WDR27: variants seen among roughly 807,000 people sequenced by gnomAD.
WDR27 encodes WD repeat domain 27, also known as WD repeat-containing protein 27.
WDR27 carries 100 observed loss-of-function variants against 114.4 expected under a neutral mutation model. The ratio of observed to expected loss-of-function variants is 0.87; its 90% confidence interval spans 0.74 to 1.03. The LOEUF is 1.03. Among genes scored for constraint, WDR27 ranks in the 50% least tolerant of loss-of-function variants. The probability of loss-of-function intolerance (pLI) is 0.00; values close to 1 mark genes in which losing one functional copy is unlikely to be tolerated. For missense variants in WDR27, 1,129 were observed against 1,092.9 expected (o/e 1.03, Z -0.47); for synonymous variants, 449 against 423.1 (o/e 1.06, Z -0.75).
chr6:169,652,952 A>G (rs1253545759), intron 13 of WDR27, among the ~76,000 whole-genome samples: 1 of 150,286 alleles, frequency 6.7e-6, no homozygotes, highest in Non-Finnish European at 1.5e-5. Flanking sequence ...AAGCGTATGT[A>G]AGAAGAAAAG....
chr6:169,490,323 T>G (rs943686380), intron 25 of WDR27, among the ~76,000 whole-genome samples: 6 of 152,184 alleles, frequency 3.9e-5, no homozygotes, highest in African/African-American at 1.4e-4. Context: ...ACAGACCCCA[T>G]GTGGAATTTG....
At chr6:169,481,166 G>T (rs1333382009) in intron 25 of WDR27, among the ~76,000 whole-genome samples, 1 of 151,692 alleles carries the variant, frequency 6.6e-6, no homozygotes, top group Admixed American at 6.6e-5. Flanking sequence ...ACCAATCAGT[G>T]CTCTGTGTCT....
chr6:169,608,193 AT>A (rs776653540), intron 22 of WDR27, among the ~76,000 whole-genome samples: 3 of 152,250 alleles, frequency 2.0e-5, no homozygotes, highest in African/African-American at 4.8e-5. Flanking sequence ...CTAAAAGCAG[AT>A]CTGGCATACA....
chr6:169,457,639 A>G lies in WDR27; in HGVS notation c.2646-5T>C, dbSNP rs1209140921. On this transcript the variant is annotated splice_region_variant and splice_polypyrimidine_tract_variant and intron_variant, in intron 25 of 25. Transcript: ENST00000448612. ...ATCCAAGGTAGCTGTGGCAAGCTGT[A>G]ATTGAAAATAAAATACCATGTAATT... 6.4e-7 allele frequency: 1 copy of G among 1,550,462 alleles called. No individual in the cohort carries two copies. Among genetic ancestry groups the G allele is most frequent in the East Asian group, 2.4e-5 (1 of 40,982 alleles).
At chr6:169,655,576 C>T (rs1182809989) in intron 13 of WDR27, among the ~76,000 whole-genome samples, 2 of 152,208 alleles carry the variant, frequency 1.3e-5, no homozygotes, top group African/African-American at 4.8e-5. Flanking sequence ...TATTACTCTA[C>T]ATATAAACAG....
chr6:169,587,112 A>C (rs1235926735), intron 23 of WDR27, among the ~76,000 whole-genome samples: 4 of 151,334 alleles, frequency 2.6e-5, no homozygotes, highest in Non-Finnish European at 2.9e-5. Flanking sequence ...TCTCTTCCTT[A>C]CCAATAAATG....
intron 25 of WDR27, among the ~76,000 whole-genome samples, chr6:169,545,840 T>G (rs528056907): frequency 6.6e-6 from 1 of 152,142 alleles, no homozygotes; most frequent in African/African-American, 2.4e-5. Flanking sequence ...ACATATAAAT[T>G]TTATGATACA....
At chr6:169,598,006 A>G (rs753587059) in intron 23 of WDR27, among the ~76,000 whole-genome samples, 1 of 151,736 alleles carries the variant, frequency 6.6e-6, no homozygotes, top group Non-Finnish European at 1.5e-5. Context: ...GAGAAAAAGT[A>G]CCTACAGAAT....
In WDR27 at chr6:169,659,531, G is replaced by A. The variant is rs3823464; in HGVS notation, c.1130-13C>T. ...AGGCTCTGGAAATCTTCAGTTGAGC[G>A]AAGACCAGGAAGAACATGATGGGGA... On this transcript the variant is annotated splice_polypyrimidine_tract_variant and intron_variant, in intron 10 of 25. Transcript: ENST00000448612. This position sits in a 1 kb window ranked among gnomAD's most constrained non-coding sequence, Gnocchi z 4.3. 326,506 of 1,600,604 alleles carry A rather than the reference G, an allele frequency of 0.2. 39,683 individuals carry two copies. Among genetic ancestry groups the A allele is most frequent in the East Asian group, 0.62 (27,580 of 44,260 alleles).
chr6:169,448,707 A>G, the WDR27 span, among the ~76,000 whole-genome samples: 1 of 152,010 alleles, frequency 6.6e-6, no homozygotes, highest in Non-Finnish European at 1.5e-5. Context: ...CGTGTGGCCT[A>G]CTCTGGACTA....
At chr6:169,513,900 AG>A (rs756342358) in intron 25 of WDR27, among the ~76,000 whole-genome samples, 15 of 152,286 alleles carry the variant, frequency 9.8e-5, no homozygotes, top group Non-Finnish European at 2.2e-4. Context: ...TAGACAGTAC[AG>A]GAGGAAAAAG....
intron 1 of WDR27, among the ~76,000 whole-genome samples, chr6:169,692,297 G>A (rs1784710444): frequency 6.6e-6 from 1 of 152,186 alleles, no homozygotes; most frequent in Non-Finnish European, 1.5e-5. Flanking sequence ...AGGAATTAGG[G>A]AGAGGTCATA....
intron 25 of WDR27, among the ~76,000 whole-genome samples, chr6:169,506,150 A>G (rs1289748972): frequency 1.3e-5 from 2 of 152,240 alleles, no homozygotes; most frequent in African/African-American, 4.8e-5. Flanking sequence ...CTGCAACTTT[A>G]GAAGCTCTGA....
At chr6:169,626,275 G>A (rs969555084) in intron 21 of WDR27, among the ~76,000 whole-genome samples, 2 of 152,252 alleles carry the variant, frequency 1.3e-5, no homozygotes, top group Middle Eastern at 3.4e-3. Flanking sequence ...TGTGGGTGTC[G>A]CCTTCCTGAG....
In WDR27 at chr6:169,647,868, T is replaced by C; in HGVS notation, c.1562A>G (p.Glu521Gly). Residue 521 changes from glutamate to glycine, a missense_variant and splice_region_variant, in exon 16 of 26, where the codon GAG (glutamate) becomes GGG (glycine). Physicochemically the swap from Glu to Gly is moderately conservative, Grantham distance 98. Coordinates refer to ENST00000448612, the MANE Select transcript of WDR27 (RefSeq NM_182552.5). ...SSRSRSSCAR[E>G]AYPVECAVPT... ...CACAGCGCACTCCACGGGGTATGCC[T>C]CCCTGAGGGAAGGCCACAGGTAACG... is the stretch of plus-strand genomic sequence containing the variant. The C allele has an allele frequency of 6.4e-7, 1 of 1,552,836 alleles. No homozygotes were observed. The highest frequency in any genetic ancestry group is 1.2e-5 in the South Asian group (1 of 82,008).
At chr6:169,505,166 C>A (rs73789983) in intron 25 of WDR27, among the ~76,000 whole-genome samples, 2,779 of 152,152 alleles carry the variant, frequency 0.018, 88 homozygotes, top group African/African-American at 0.063. Context: ...ATATAAAATC[C>A]TATCAACTTG....
At chr6:169,592,630 T>A (rs942377367) in intron 23 of WDR27, among the ~76,000 whole-genome samples, 1 of 152,228 alleles carries the variant, frequency 6.6e-6, no homozygotes, top group Non-Finnish European at 1.5e-5. Flanking sequence ...TTGTCACCTA[T>A]GAATAATTTT....
At chr6:169,447,106 T>C in the WDR27 span, among the ~76,000 whole-genome samples, 1 of 152,228 alleles carries the variant, frequency 6.6e-6, no homozygotes, top group Non-Finnish European at 1.5e-5. Context: ...CACAATAAAA[T>C]TTTTCCATAA....
At chr6:169,670,377 T>G (rs1778374962) in intron 4 of WDR27, 192 bp downstream of exon 4, 1 of 516,812 alleles carries the variant, frequency 1.9e-6, no homozygotes, top group African/African-American at 1.9e-5. Context: ...ATATAAATAT[T>G]GCTATCTGAT....
Sources: allele counts gnomAD v4.1 joint callset (sites outside exome capture counted in the v4.1 genomes callset), GRCh38; gene constraint gnomAD v4.1.1; non-coding constraint Gnocchi (gnomAD v3.1); transcripts MANE v1.5; gene names NCBI Gene and HGNC (gene_info 2026-07-23, HGNC 2026-07-21).